Variants in GNA13 observed in about 807,000 individuals in gnomAD.
GNA13 encodes the protein G protein subunit alpha 13.
Under a neutral mutation model 33.5 loss-of-function variants are expected in GNA13, and 4 were observed. That is an observed-to-expected ratio of 0.12 (90% CI 0.06 to 0.27). GNA13 has a LOEUF of 0.27. Ranked by LOEUF, GNA13 falls within the 10% of genes least tolerant of loss-of-function variation. The probability of loss-of-function intolerance (pLI) is 1.00; values close to 1 mark genes in which losing one functional copy is unlikely to be tolerated. For synonymous variants in GNA13, 176 were observed against 183.8 expected (o/e 0.96, Z 0.34); for missense variants, 319 against 487.2 (o/e 0.65, Z 3.25).
In GNA13 at chr17:65,053,705, G is replaced by C. The variant is rs755620237; in HGVS notation, c.307C>G (p.Arg103Gly). Residue 103 changes from arginine to glycine, a missense_variant, in exon 2 of 4, where the codon CGA becomes GGA. This residue lies in a region of GNA13 where 136 missense variants were observed against 159.3 expected (regional missense o/e 0.85). Transcript: ENST00000439174. ...CCCCAGGGAATATGAAGCTTCTCTC[G>C]AGCATCAACCAGCACCCTCATACCT... is the stretch of plus-strand genomic sequence containing the variant. ...IKGMRVLVDAREKLHIPWGDN... is the reference protein window; with the variant it reads ...IKGMRVLVDAGEKLHIPWGDN... 4 of 1,612,336 alleles carry C rather than the reference G, an allele frequency of 2.5e-6. No individual in the cohort carries two copies. Among genetic ancestry groups the C allele is most frequent in the Non-Finnish European group, 2.5e-6 (3 of 1,178,530 alleles).
At chr17:65,043,731 C>CA (rs1222493230) in intron 2 of GNA13, among the ~76,000 whole-genome samples, 19 of 151,614 alleles carry the variant, frequency 1.3e-4, no homozygotes, top group East Asian at 3.9e-4. Flanking sequence ...AAAACAAGAA[C>CA]AAAAAAAACA....
At chr17:65,043,107 C>G (rs1021724561) in intron 2 of GNA13, among the ~76,000 whole-genome samples, 1 of 152,130 alleles carries the variant, frequency 6.6e-6, no homozygotes, top group African/African-American at 2.4e-5. Context: ...AATTCAGAGG[C>G]CGAAGGACTT....
chr17:65,053,293 C>T (rs1907919917), intron 2 of GNA13: 2 of 561,920 alleles, frequency 3.6e-6, no homozygotes, highest in African/African-American at 3.8e-5. Flanking sequence ...AGATATGTAG[C>T]CTAAAGGTAA....
chr17:65,021,639 T>C (rs937783217), intron 2 of GNA13, among the ~76,000 whole-genome samples: 3 of 152,230 alleles, frequency 2.0e-5, no homozygotes, highest in African/African-American at 7.2e-5. Context: ...TTAAGCTGGA[T>C]AGCCAAAGAA....
intron 2 of GNA13, among the ~76,000 whole-genome samples, chr17:65,027,441 C>G (rs541016355): frequency 4.5e-4 from 68 of 152,072 alleles, no homozygotes; most frequent in African/African-American, 1.6e-3. Flanking sequence ...CCACCACAAG[C>G]AGCCACTGGG....
chr17:65,025,847 G>A (rs539099387), intron 2 of GNA13, among the ~76,000 whole-genome samples: 15 of 151,670 alleles, frequency 9.9e-5, no homozygotes, highest in East Asian at 5.8e-4. Flanking sequence ...TTAGCCGGGT[G>A]TGGTGGTGCA....
Position 65,053,745 on chromosome 17 carries a change from GAAA to G in GNA13, c.284-20_284-18del. Reference sequence around the variant, plus strand: ...CCCTCATACCTTTGTTTAAAAAGAAGAAAAAAAATGTATGGAGAGGAGTCATTA... The same window carrying G: ...CCCTCATACCTTTGTTTAAAAAGAAGAAAAATGTATGGAGAGGAGTCATTA... On this transcript the variant is annotated intron_variant, in intron 1 of 3. Transcript: ENST00000439174. The G allele has an allele frequency of 2.0e-6, 3 of 1,469,158 alleles. No individual in the cohort carries two copies. Among genetic ancestry groups the G allele is most frequent in the Non-Finnish European group, 2.8e-6 (3 of 1,058,886 alleles). 91.0% of individuals were successfully genotyped at this position (1,469,158 alleles called of 1,614,324 possible).
At chr17:65,027,939 C>G (rs1906853393) in intron 2 of GNA13, among the ~76,000 whole-genome samples, 1 of 152,032 alleles carries the variant, frequency 6.6e-6, no homozygotes, top group Non-Finnish European at 1.5e-5. Context: ...ATCCCATCTA[C>G]TAAAAGTACA....
chr17:65,038,902 G>A (rs1907359593), intron 2 of GNA13, among the ~76,000 whole-genome samples: 1 of 152,144 alleles, frequency 6.6e-6, no homozygotes. Flanking sequence ...CATACTGAAA[G>A]TGAAAAACAT....
At chr17:65,049,561 A>C (rs1439601148) in intron 2 of GNA13, among the ~76,000 whole-genome samples, 1 of 152,214 alleles carries the variant, frequency 6.6e-6, no homozygotes, top group African/African-American at 2.4e-5. Context: ...ACTCTAACAC[A>C]CATAATGGGT....
At chr17:65,050,640 G>C (rs1385709794) in intron 2 of GNA13, among the ~76,000 whole-genome samples, 2 of 152,130 alleles carry the variant, frequency 1.3e-5, no homozygotes, top group South Asian at 4.1e-4. Context: ...ACTGAAGCTG[G>C]AGAATCACTT....
chr17:65,056,260 CG>C, intron 1 of GNA13, 50 bp downstream of exon 1: 4 of 1,196,336 alleles, frequency 3.3e-6, no homozygotes, highest in Non-Finnish European at 4.7e-6. Flanking sequence ...CACCCGCCGC[CG>C]CCCCAGCCCC....
At chr17:65,025,022 G>T (rs1298161366) in intron 2 of GNA13, among the ~76,000 whole-genome samples, 4 of 152,128 alleles carry the variant, frequency 2.6e-5, no homozygotes, top group African/African-American at 9.7e-5. Context: ...TCAGCCTCCA[G>T]CGTAGGTGGG....
At chr17:65,055,870 G>C (rs1908033175) in intron 1 of GNA13, 1 of 481,338 alleles carries the variant, frequency 2.1e-6, no homozygotes, top group Non-Finnish European at 2.7e-6. Context: ...ACCCAGCCAG[G>C]GTAGCGAGGT....
chr17:65,024,732 C>T (rs1906709281), intron 2 of GNA13, among the ~76,000 whole-genome samples: 1 of 152,180 alleles, frequency 6.6e-6, no homozygotes, highest in South Asian at 2.1e-4. Context: ...AGCCAGCCCT[C>T]GCATTACTTC....
chr17:65,016,621 C>T (rs1387413008), intron 3 of GNA13, among the ~76,000 whole-genome samples: 1 of 152,222 alleles, frequency 6.6e-6, no homozygotes, highest in Non-Finnish European at 1.5e-5. Flanking sequence ...CTCAGCCTCC[C>T]AATGTGCTCG....
rs1180653447 is a variant in GNA13, at chr17:65,010,278, A to C, written c.*3979T>G. ...CCAGCCTAAGACTAGTATCTACTTG[A>C]TGGAACTTGAAAAAGCCATAAAGTC... On this transcript the variant is annotated 3_prime_UTR_variant, in exon 4 of 4. Coordinates refer to ENST00000439174, the MANE Select transcript of GNA13 (RefSeq NM_006572.6). 6.6e-6 allele frequency among the ~76,000 whole-genome samples: 1 copy of C among 152,140 alleles called. No homozygotes were observed. The highest frequency in any genetic ancestry group is 1.9e-4 in the East Asian group (1 of 5,202).
At chr17:65,017,306 G>C (rs573235785) in intron 3 of GNA13, among the ~76,000 whole-genome samples, 73 of 152,174 alleles carry the variant, frequency 4.8e-4, no homozygotes, top group African/African-American at 1.6e-3. Flanking sequence ...CAATCTAAAG[G>C]CTGCTTCACA....
At chr17:65,029,600 A>T (rs1906925262) in intron 2 of GNA13, among the ~76,000 whole-genome samples, 1 of 125,474 alleles carries the variant, frequency 8.0e-6, no homozygotes, top group African/African-American at 2.6e-5. Flanking sequence ...CATACTCTTC[A>T]CTCAATATCT....
Sources: gnomAD v4.1 joint callset for allele counts (sites outside exome capture counted in the v4.1 genomes callset) on GRCh38, gnomAD v4.1.1 for gene constraint, gnomAD v4.1.1 regional missense constraint, MANE v1.5 for transcripts, NCBI Gene and HGNC (gene_info 2026-07-23, HGNC 2026-07-21) for gene names.